Variants in C3orf20 observed in about 807,000 individuals in gnomAD.
C3orf20 encodes the protein family with sequence similarity 149 member C.
A neutral mutation model predicts 88.3 loss-of-function variants in C3orf20; 76 were observed. The ratio of observed to expected loss-of-function variants is 0.86; its 90% CI spans 0.72 to 1.04. C3orf20 has a LOEUF of 1.04. Among genes scored for constraint, C3orf20 ranks in the 50% least tolerant of loss-of-function variants. C3orf20 has a pLI of 0.00. For synonymous variants in C3orf20, 436 were observed against 437.4 expected, an observed-to-expected ratio of 1.00 and a Z score of 0.04; for missense variants, 1,056 against 1,123.3, an observed-to-expected ratio of 0.94 and a Z score of 0.86.
At chr3:14,699,060 G>A (rs1026894900) in intron 5 of C3orf20, among the ~76,000 whole-genome samples, 1 of 152,076 alleles carries the variant, frequency 6.6e-6, no homozygotes, top group Non-Finnish European at 1.5e-5. Flanking sequence ...CCACCACCAG[G>A]TCCATGGGGA....
intron 7 of C3orf20, among the ~76,000 whole-genome samples, chr3:14,711,968 T>C (rs1440009115): frequency 6.6e-6 from 1 of 152,150 alleles, no homozygotes. Flanking sequence ...TTTTAAGTTA[T>C]TTCCCTAGGG....
chr3:14,757,200 G>T (rs1195995249), intron 12 of C3orf20, among the ~76,000 whole-genome samples, 171 bp from the exon 13 acceptor site: 1 of 152,202 alleles, frequency 6.6e-6, no homozygotes, highest in African/African-American at 2.4e-5. Context: ...GTGGAAAGAG[G>T]CCCAGAGAGG....
intron 5 of C3orf20, among the ~76,000 whole-genome samples, chr3:14,693,672 T>C (rs1215112991): frequency 6.6e-6 from 1 of 152,222 alleles, no homozygotes; most frequent in East Asian, 1.9e-4. Flanking sequence ...CCAATTTGGA[T>C]GCCCTTTATT....
rs1351846210 is a variant in C3orf20 at position 14,772,854 on chromosome 3, G to A, written c.2694G>A (p.Lys898=). Residue 898 remains lysine (K), a synonymous_variant, in exon 17 of 17, where the codon AAG becomes AAA. Transcript: ENST00000253697. The surrounding 1 kb of genome is among the most constrained non-coding windows in gnomAD (Gnocchi z 4.2). ...GGGACAGCAAGATAACTAGTTGGAA[G>A]AAGCAGGCCTCCAAGAAGTAGCGCC... ...LSRDSKITSW[K]KQASKK 6.2e-7 allele frequency: 1 copy of A among 1,614,048 alleles called. No individual in the cohort carries two copies. The highest frequency in any genetic ancestry group is 2.2e-5 in the East Asian group (1 of 44,878).
chr3:14,749,654 T>C (rs2035162380), intron 12 of C3orf20, among the ~76,000 whole-genome samples: 2 of 152,164 alleles, frequency 1.3e-5, no homozygotes, highest in Admixed American at 1.3e-4. Flanking sequence ...GAAATCTTTC[T>C]GTTTTTCAAT....
intron 9 of C3orf20, among the ~76,000 whole-genome samples, chr3:14,720,501 T>C (rs1450181259): frequency 1.3e-5 from 2 of 152,026 alleles, no homozygotes; most frequent in Non-Finnish European, 2.9e-5. Flanking sequence ...ACTGGAATAG[T>C]AGAAAGAAAT....
intron 15 of C3orf20, among the ~76,000 whole-genome samples, chr3:14,766,790 T>C (rs1413045272): frequency 3.3e-5 from 5 of 151,058 alleles, no homozygotes; most frequent in Non-Finnish European, 7.4e-5. Context: ...ATGCAGAGAG[T>C]GGGTAGGTGA....
chr3:14,769,567 T>A (rs1230723801), intron 15 of C3orf20, among the ~76,000 whole-genome samples: 1 of 149,722 alleles, frequency 6.7e-6, no homozygotes, highest in Non-Finnish European at 1.5e-5. Flanking sequence ...GGCAGGGGAG[T>A]GGGGAGGGCA....
intron 5 of C3orf20, among the ~76,000 whole-genome samples, chr3:14,692,970 G>A (rs910982200): frequency 6.6e-6 from 1 of 152,110 alleles, no homozygotes; most frequent in African/African-American, 2.4e-5. Flanking sequence ...ACCATTTATT[G>A]AAAAGATTGT....
At chr3:14,702,287 G>T (rs2033301078) in intron 5 of C3orf20, among the ~76,000 whole-genome samples, 1 of 152,066 alleles carries the variant, frequency 6.6e-6, no homozygotes, top group South Asian at 2.1e-4. Context: ...GCACGGGAAA[G>T]ACCGGCCCCA....
At position 14,714,148 on chromosome 3, in the gene C3orf20, C is replaced by T; in HGVS notation, c.1302C>T (p.Asn434=). 1.9e-6 allele frequency: 3 copies of T among 1,613,820 alleles called. No homozygotes were observed. The African/African-American group carries it at 4.0e-5, about 22-fold the overall frequency. ...AAGGCCAGGGCTGTGTTCACTACAACCTAAAAACCAGGTAAGTGGACTGGG... is the reference window on the plus strand; with the variant it reads ...AAGGCCAGGGCTGTGTTCACTACAATCTAAAAACCAGGTAAGTGGACTGGG... ...NTEGQGCVHY[N]LKTSCPYVLI... Residue 434 remains asparagine, a synonymous_variant, in exon 8 of 17, where the codon AAC becomes AAT. Transcript: ENST00000253697.
At chr3:14,690,429 A>G (rs2032669548) in intron 5 of C3orf20, among the ~76,000 whole-genome samples, 1 of 152,172 alleles carries the variant, frequency 6.6e-6, no homozygotes, top group Non-Finnish European at 1.5e-5. Context: ...CTATCCCTAC[A>G]GTATCCCAAA....
chr3:14,760,078 G>A, intron 14 of C3orf20, 80 bp downstream of exon 14: 2 of 1,020,328 alleles, frequency 2.0e-6, no homozygotes, highest in Non-Finnish European at 1.5e-6. Context: ...CACACATGTG[G>A]GAGGAGGAGG....
Position 14,757,658 on chromosome 3 carries a change from G to T in C3orf20, c.2228G>T (p.Gly743Val), listed in dbSNP as rs749183840. Residue 743 changes from glycine to valine, a missense_variant, in exon 13 of 17, where the codon GGC (glycine) becomes GTC (valine). Coordinates refer to ENST00000253697, the MANE Select transcript of C3orf20 (RefSeq NM_032137.5). ...TLYNHQQRGR[G>V]SPCIQCRYDS... is the part of the protein sequence containing the mutation. ...TACAACCACCAGCAGCGGGGCCGTG[G>T]CTCCCCCTGCATCCAGGTTGGTCTG... 2 of 1,609,574 alleles carry T rather than the reference G, an allele frequency of 1.2e-6. No homozygotes were observed. The highest frequency in any genetic ancestry group is 1.7e-6 in the Non-Finnish European group (2 of 1,176,816).
At chr3:14,684,483 A>G in intron 4 of C3orf20, 101 bp downstream of exon 4, 1 of 1,456,486 alleles carries the variant, frequency 6.9e-7, no homozygotes, top group South Asian at 1.3e-5. Flanking sequence ...TGACATTTCC[A>G]AGAATTGAGG....
chr3:14,758,718 C>T (rs1338209104), intron 13 of C3orf20, among the ~76,000 whole-genome samples: 3 of 152,210 alleles, frequency 2.0e-5, no homozygotes, highest in African/African-American at 7.2e-5. Context: ...GTGGCCCCTC[C>T]CTGACTCTGG....
chr3:14,771,022 C>G (rs568807831), intron 15 of C3orf20, among the ~76,000 whole-genome samples: 1 of 152,280 alleles, frequency 6.6e-6, no homozygotes, highest in East Asian at 1.9e-4. Context: ...TGAAAGTGTG[C>G]CCCCCAAAGT....
intron 3 of C3orf20, 71 bp from the exon 4 acceptor site, chr3:14,684,169 TAC>T: frequency 6.3e-7 from 1 of 1,580,132 alleles, no homozygotes; most frequent in Non-Finnish European, 8.6e-7. Flanking sequence ...CTGGGCCATT[TAC>T]AGAGGTCCTT....
chr3:14,728,424 A>T lies in C3orf20; in HGVS notation c.1691-15A>T. ...GCCATGAAGGGAAAATGACAGCAGC[A>T]TCTTCTGTTAACAGGTCTGTTTACC... On this transcript the variant is annotated splice_polypyrimidine_tract_variant and intron_variant, in intron 11 of 16. Transcript: ENST00000253697. 2 of 1,613,176 alleles carry T rather than the reference A, an allele frequency of 1.2e-6. No homozygotes were observed. The highest frequency in any genetic ancestry group is 1.7e-6 in the Non-Finnish European group (2 of 1,179,152).
Sources: allele counts gnomAD v4.1 joint callset (sites outside exome capture counted in the v4.1 genomes callset), GRCh38; gene constraint gnomAD v4.1.1; non-coding constraint Gnocchi (gnomAD v3.1); transcripts MANE v1.5; gene names NCBI Gene and HGNC (gene_info 2026-07-23, HGNC 2026-07-21).